Variants in IPCEF1 observed in about 807,000 individuals in gnomAD.
IPCEF1 encodes interactor protein for cytohesin exchange factors 1.
IPCEF1 carries 31 observed loss-of-function variants against 50.9 expected under a neutral mutation model. The ratio of observed to expected loss-of-function variants is 0.61; its 90% CI spans 0.46 to 0.82. The LOEUF is 0.82. IPCEF1 is among the 40% of genes least tolerant of loss of function. The pLI is 0.00. For synonymous variants in IPCEF1, 181 were observed against 192.0 expected (o/e 0.94, Z 0.47); for missense variants, 458 against 514.0 (o/e 0.89, Z 1.05).
chr6:154,309,630 T>C (rs1425242164), intron 1 of IPCEF1, among the ~76,000 whole-genome samples: 1 of 152,138 alleles, frequency 6.6e-6, no homozygotes, highest in Non-Finnish European at 1.5e-5. Flanking sequence ...TGTCCTGTAT[T>C]TTTTTTCATC....
intron 3 of IPCEF1, among the ~76,000 whole-genome samples, chr6:154,255,116 C>G (rs1157636906): frequency 6.6e-6 from 1 of 152,096 alleles, no homozygotes; most frequent in Non-Finnish European, 1.5e-5. Flanking sequence ...TATTATTTCT[C>G]AATCAGAAAT....
chr6:154,269,913 A>T (rs1781860292), intron 2 of IPCEF1, among the ~76,000 whole-genome samples: 1 of 152,216 alleles, frequency 6.6e-6, no homozygotes, highest in African/African-American at 2.4e-5. Flanking sequence ...TTGATAAGCT[A>T]AATAGGTAGC....
intron 1 of IPCEF1, among the ~76,000 whole-genome samples, chr6:154,351,243 GA>G (rs1420664426): frequency 6.6e-6 from 1 of 152,222 alleles, no homozygotes; most frequent in Non-Finnish European, 1.5e-5. Flanking sequence ...TTTAAAATTA[GA>G]TTGGGTATTG....
chr6:154,261,535 C>G (rs9322455), intron 3 of IPCEF1, among the ~76,000 whole-genome samples: 2 of 151,998 alleles, frequency 1.3e-5, no homozygotes, highest in South Asian at 4.1e-4. Flanking sequence ...GAGACTGAAC[C>G]GATAGAACTT....
intron 7 of IPCEF1, chr6:154,216,801 G>C (rs1052874488): frequency 6.6e-6 from 1 of 152,412 alleles, no homozygotes; most frequent in Non-Finnish European, 1.5e-5. Flanking sequence ...CCAGGAGGCA[G>C]AGGTTGCAGT....
chr6:154,224,239 C>T (rs1231297632), intron 5 of IPCEF1, among the ~76,000 whole-genome samples: 1 of 152,196 alleles, frequency 6.6e-6, no homozygotes, highest in East Asian at 1.9e-4. Flanking sequence ...GCCATGGGTG[C>T]TTTCAGTTTA....
intron 10 of IPCEF1, among the ~76,000 whole-genome samples, chr6:154,189,107 C>G (rs1442424471): frequency 6.6e-6 from 1 of 152,028 alleles, no homozygotes; most frequent in Non-Finnish European, 1.5e-5. Flanking sequence ...GTATACATTC[C>G]TACAAATCCA....
At chr6:154,213,611 T>C (rs1291181433) in intron 8 of IPCEF1, among the ~76,000 whole-genome samples, 2 of 152,142 alleles carry the variant, frequency 1.3e-5, no homozygotes, top group Middle Eastern at 3.2e-3. Flanking sequence ...CCAAGGCCTT[T>C]TGTGGTCTGG....
chr6:154,254,803 C>T (rs1781422231), intron 3 of IPCEF1, among the ~76,000 whole-genome samples: 1 of 152,042 alleles, frequency 6.6e-6, no homozygotes, highest in South Asian at 2.1e-4. Context: ...TTTAATATAA[C>T]ATGATTATCT....
intron 1 of IPCEF1, among the ~76,000 whole-genome samples, chr6:154,308,672 G>A (rs1418293406): frequency 6.6e-6 from 1 of 152,098 alleles, no homozygotes; most frequent in African/African-American, 2.4e-5. Flanking sequence ...TACTTTGTGT[G>A]GCTTTTAGGG....
intron 3 of IPCEF1, among the ~76,000 whole-genome samples, chr6:154,256,911 A>G (rs1041885782): frequency 6.6e-6 from 1 of 152,204 alleles, no homozygotes; most frequent in African/African-American, 2.4e-5. Context: ...ACTTTATTAT[A>G]AAATAGGTTT....
At chr6:154,355,549 C>T (rs1315590871) in intron 1 of IPCEF1, among the ~76,000 whole-genome samples, 5 of 150,856 alleles carry the variant, frequency 3.3e-5, no homozygotes, top group Admixed American at 6.6e-5. Context: ...AGTGCAGTGG[C>T]GCAATCTCAG....
intron 9 of IPCEF1, among the ~76,000 whole-genome samples, chr6:154,207,688 G>A (rs1777618644): frequency 1.3e-5 from 2 of 151,982 alleles, no homozygotes; most frequent in South Asian, 2.1e-4. Context: ...CTCCTCTGTC[G>A]CTGGCCAAGG....
intron 1 of IPCEF1, among the ~76,000 whole-genome samples, chr6:154,353,428 C>T (rs1390617231): frequency 2.0e-5 from 3 of 151,074 alleles, no homozygotes; most frequent in Admixed American, 6.6e-5. Flanking sequence ...GCTGGGATTA[C>T]GTGCGCCCGC....
intron 3 of IPCEF1, among the ~76,000 whole-genome samples, chr6:154,256,167 G>A (rs1781456247): frequency 6.6e-6 from 1 of 152,124 alleles, no homozygotes; most frequent in African/African-American, 2.4e-5. Context: ...TCAAGATGTG[G>A]GCAGAGCTGG....
chr6:154,185,955 C>G (rs1455207328), intron 10 of IPCEF1, among the ~76,000 whole-genome samples: 1 of 152,184 alleles, frequency 6.6e-6, no homozygotes, highest in Non-Finnish European at 1.5e-5. Flanking sequence ...GAATAACGAC[C>G]CTTTTGGTTC....
intron 10 of IPCEF1, among the ~76,000 whole-genome samples, chr6:154,184,917 G>A (rs751604340): frequency 1.3e-5 from 2 of 151,820 alleles, no homozygotes; most frequent in African/African-American, 2.4e-5. Context: ...ATGTTATAAT[G>A]TGTCACAAGA....
intron 6 of IPCEF1, 111 bp from the exon 7 acceptor site, chr6:154,221,439 T>A: frequency 1.2e-6 from 1 of 809,758 alleles, no homozygotes; most frequent in Admixed American, 2.7e-5. Context: ...GCTTTCTTTG[T>A]AAATTTACAA....
intron 2 of IPCEF1, among the ~76,000 whole-genome samples, chr6:154,282,686 CA>C (rs1195472386): frequency 4.8e-5 from 7 of 146,560 alleles, no homozygotes; most frequent in South Asian, 2.2e-4. Context: ...GACTCCGTCT[CA>C]AAAAAAAAAG....
Sources: allele counts gnomAD v4.1 joint callset (sites outside exome capture counted in the v4.1 genomes callset), GRCh38; gene constraint gnomAD v4.1.1; transcripts MANE v1.5; gene names NCBI Gene and HGNC (gene_info 2026-07-23, HGNC 2026-07-21).